The following ECM2 variants were observed in gnomAD, a reference collection of about 807,000 sequenced individuals.
ECM2 encodes the protein extracellular matrix protein 2, female organ and adipocyte specific.
A neutral mutation model predicts 67.5 loss-of-function variants in ECM2; 57 were observed. The observed-to-expected ratio is 0.84, with a 90% CI of 0.68 to 1.05. The LOEUF is 1.05. ECM2 is among the 50% of genes least tolerant of loss of function. ECM2 has a pLI of 0.00. For missense variants in ECM2, 741 were observed against 822.8 expected, an observed-to-expected ratio of 0.90 and a Z score of 1.22; for synonymous variants, 258 against 294.5, an observed-to-expected ratio of 0.88 and a Z score of 1.27.
intron 1 of ECM2, among the ~76,000 whole-genome samples, chr9:92,529,963 G>A (rs573848998): frequency 1.3e-4 from 20 of 152,150 alleles, no homozygotes; most frequent in Non-Finnish European, 2.1e-4. Context: ...AACATATGCA[G>A]ACTTTTTTTT....
At chr9:92,547,745 A>T in the ECM2 span, among the ~76,000 whole-genome samples, 1 of 152,258 alleles carries the variant, frequency 6.6e-6, no homozygotes, top group Non-Finnish European at 1.5e-5. Context: ...GATGGCCCTA[A>T]CTAGGAATAT....
intron 2 of ECM2, among the ~76,000 whole-genome samples, chr9:92,522,175 C>T (rs1848111995): frequency 6.6e-6 from 1 of 152,080 alleles, no homozygotes; most frequent in Non-Finnish European, 1.5e-5. Flanking sequence ...CAACCTCCAC[C>T]TCCCAGGTTC....
At chr9:92,548,795 A>G in the ECM2 span, among the ~76,000 whole-genome samples, 3 of 152,216 alleles carry the variant, frequency 2.0e-5, no homozygotes, top group Admixed American at 6.5e-5. Context: ...CAAAGATAAC[A>G]TTTGTTCTTA....
the ECM2 span, among the ~76,000 whole-genome samples, chr9:92,546,070 A>T: frequency 6.6e-6 from 1 of 151,378 alleles, no homozygotes; most frequent in East Asian, 1.9e-4. Flanking sequence ...ACCAATCAGC[A>T]CCCTGTGTCT....
chr9:92,544,539 AG>A, the ECM2 span, among the ~76,000 whole-genome samples: 62,228 of 139,312 alleles, frequency 0.45, 14,879 homozygotes, highest in African/African-American at 0.7. Context: ...TAATTTGTTG[AG>A]GGGTTTTTTT....
At chr9:92,552,693 T>G in the ECM2 span, among the ~76,000 whole-genome samples, 3 of 152,288 alleles carry the variant, frequency 2.0e-5, no homozygotes, top group African/African-American at 2.4e-5. Context: ...GATAGGATTG[T>G]TTTTTTCTTA....
chr9:92,539,290 T>G (rs1037628055), upstream of ECM2: 4 of 152,138 alleles, frequency 2.6e-5, no homozygotes, highest in African/African-American at 9.7e-5. Flanking sequence ...CATGTTGAAT[T>G]GCAAATTCAA....
At chr9:92,554,902 C>G in the ECM2 span, among the ~76,000 whole-genome samples, 4 of 152,136 alleles carry the variant, frequency 2.6e-5, no homozygotes, top group South Asian at 8.3e-4. Flanking sequence ...TCCCAAAGTG[C>G]TGAGATTACA....
chr9:92,501,052 T>C lies in ECM2; in HGVS notation c.1606A>G (p.Asn536Asp). 1 of 1,609,840 alleles carries C rather than the reference T, an allele frequency of 6.2e-7. No homozygotes were observed. The highest frequency in any genetic ancestry group is 8.5e-7 in the Non-Finnish European group (1 of 1,176,608). The change falls in exon 9 of 10, where the codon AAT becomes GAT. Residue 536 changes from asparagine to aspartate, a missense_variant and splice_region_variant. Transcript: ENST00000344604. ...TAGGAGAGATCAATGGATTCTAGAT[T>C]TCTGCAGCAAAGAAAAAAGTAAACA... ...IAPLAWINQENLESIDLSYNK... is the reference protein window; with the variant it reads ...IAPLAWINQEDLESIDLSYNK...
chr9:92,501,073 A>T lies in ECM2; in HGVS notation c.1605-20T>A. 1 of 1,608,242 alleles carries T rather than the reference A, an allele frequency of 6.2e-7. No individual in the cohort carries two copies. The highest frequency in any genetic ancestry group is 2.2e-5 in the East Asian group (1 of 44,754). ...AGATTTCTGCAGCAAAGAAAAAAGT[A>T]AACAGGGTAGGGACATCAGGATGGT... On this transcript the variant is annotated intron_variant, in intron 8 of 9. Coordinates refer to ENST00000344604, the MANE Select transcript of ECM2 (RefSeq NM_001393.4).
intron 1 of ECM2, 141 bp downstream of exon 1, chr9:92,535,792 A>G: frequency 3.4e-6 from 1 of 293,532 alleles, no homozygotes; most frequent in Non-Finnish European, 6.6e-6. Flanking sequence ...AAACAAACAG[A>G]ATAATGCATA....
Position 92,512,031 on chromosome 9 carries a change from TG to T in ECM2, c.1149del (p.Ile384Ter). The T allele has an allele frequency of 6.2e-7, 1 of 1,613,080 alleles. No individual in the cohort carries two copies. The highest frequency in any genetic ancestry group is 8.5e-7 in the Non-Finnish European group (1 of 1,179,340). On this transcript the variant is annotated frameshift_variant, in exon 5 of 10. Transcript: ENST00000344604. LOFTEE classifies it high-confidence loss of function. ...TTTACCTTGAATGCTTTTGGACCTATGCCTGAAGAAGTGATATTATTTTTAC... is the reference window on the plus strand; with the variant it reads ...TTTACCTTGAATGCTTTTGGACCTATCCTGAAGAAGTGATATTATTTTTAC... Reference protein sequence around the residue: ...DLSKNNITSSGIGPKAFKLLK... With the variant: ...DLSKNNITSSXIGPKAFKLLK...
the ECM2 span, among the ~76,000 whole-genome samples, chr9:92,547,207 A>G: frequency 5.1e-4 from 77 of 152,316 alleles, no homozygotes; most frequent in Non-Finnish European, 9.4e-4. Context: ...AAAAAGAATA[A>G]AGAAAGCAAA....
Position 92,495,355 on chromosome 9 carries a change from A to C in ECM2, c.*960T>G. 3 of 964,898 alleles carry C rather than the reference A, an allele frequency of 3.1e-6. No individual in the cohort carries two copies. The highest frequency in any genetic ancestry group is 2.5e-6 in the Non-Finnish European group (2 of 811,206). The allele number at this position is 964,898 out of a possible 1,614,324, so 59.8% of individuals were successfully genotyped here. ...TTAATATATGATTTTGGTAGGGCCA[A>C]TACATAGTAAAGACATAGCTTTATT... On this transcript the variant is annotated 3_prime_UTR_variant, in exon 10 of 10. Transcript: ENST00000344604.
chr9:92,544,999 C>G, the ECM2 span, among the ~76,000 whole-genome samples: 1 of 152,152 alleles, frequency 6.6e-6, no homozygotes, highest in Non-Finnish European at 1.5e-5. Flanking sequence ...GCTGGGATTA[C>G]CGGTGTGAGC....
downstream of ECM2, chr9:92,494,112 T>C: frequency 6.3e-7 from 1 of 1,597,976 alleles, no homozygotes; most frequent in Non-Finnish European, 8.5e-7. Context: ...ACATCTGATC[T>C]GTTTGTCACT....
the ECM2 span, among the ~76,000 whole-genome samples, chr9:92,556,822 C>T: frequency 1.3e-5 from 2 of 152,120 alleles, no homozygotes; most frequent in Non-Finnish European, 2.9e-5. Flanking sequence ...AGCACTTAGG[C>T]CATTTACAGT....
the ECM2 span, among the ~76,000 whole-genome samples, chr9:92,547,996 A>G: frequency 2.0e-5 from 3 of 152,370 alleles, no homozygotes; most frequent in African/African-American, 7.2e-5. Flanking sequence ...AACTGTTACT[A>G]TTCCCAGATT....
Position 92,500,881 on chromosome 9 carries a change from G to A in ECM2, c.1777C>T (p.Leu593Phe). 1 of 1,614,202 alleles carries A rather than the reference G, an allele frequency of 6.2e-7. No homozygotes were observed. Among genetic ancestry groups the A allele is most frequent in the South Asian group, 1.1e-5 (1 of 91,086 alleles). The stretch of plus-strand genomic sequence containing the variant: ...ACACGGTCCATGCCATCATCAGCAA[G>A]TTTGTTAAATGACAGGTACAAGTAT... Reference protein sequence around the residue: ...LEYLYLSFNKLADDGMDRVSF... With the variant: ...LEYLYLSFNKFADDGMDRVSF... Residue 593 changes from leucine to phenylalanine, a missense_variant, in exon 9 of 10, where the codon CTT (leucine) becomes TTT (phenylalanine). Physicochemically the swap from Leu to Phe is conservative, Grantham distance 22 (BLOSUM62 0). Transcript: ENST00000344604.
Sources: gnomAD v4.1 joint callset for allele counts (sites outside exome capture counted in the v4.1 genomes callset) on GRCh38, gnomAD v4.1.1 for gene constraint, MANE v1.5 for transcripts, NCBI Gene and HGNC (gene_info 2026-07-23, HGNC 2026-07-21) for gene names.